The following SLCO3A1 variants were observed in gnomAD, a reference collection of about 807,000 sequenced individuals.
The protein encoded by SLCO3A1 is PGE1 transporter.
Under a neutral mutation model 63.1 loss-of-function variants are expected in SLCO3A1, and 27 were observed. That is an observed-to-expected ratio of 0.43 (90% CI 0.32 to 0.59). The LOEUF (loss-of-function observed/expected upper bound fraction) is 0.59, where lower values mean the gene tolerates loss of function less well. SLCO3A1 is among the 20% of genes least tolerant of loss of function. The pLI is 0.09. For synonymous variants in SLCO3A1, 473 were observed against 409.9 expected, an observed-to-expected ratio of 1.15 and a Z score of -1.86; for missense variants, 773 against 945.8, an observed-to-expected ratio of 0.82 and a Z score of 2.40.
chr15:92,169,049 A>G (rs1003850458), downstream of SLCO3A1, among the ~76,000 whole-genome samples: 2 of 152,224 alleles, frequency 1.3e-5, no homozygotes, highest in African/African-American at 4.8e-5. Flanking sequence ...GCCAGGTAAA[A>G]TACTTGGTAA....
intron 1 of SLCO3A1, among the ~76,000 whole-genome samples, chr15:91,902,196 ATC>A (rs1432008007): frequency 6.6e-6 from 1 of 151,678 alleles, no homozygotes; most frequent in African/African-American, 2.4e-5. Flanking sequence ...TATTTTCTGT[ATC>A]TCTTTTTTTA....
intron 4 of SLCO3A1, among the ~76,000 whole-genome samples, chr15:92,111,437 T>C (rs1021409804): frequency 6.6e-6 from 1 of 152,202 alleles, no homozygotes; most frequent in African/African-American, 2.4e-5. Flanking sequence ...TTCCTGTGTG[T>C]GGATTTCCTG....
intron 2 of SLCO3A1, among the ~76,000 whole-genome samples, chr15:92,005,801 C>T (rs1051906871): frequency 2.6e-5 from 4 of 152,114 alleles, no homozygotes; most frequent in African/African-American, 4.8e-5. Context: ...GTCACCTTCC[C>T]TTTTGTAGGG....
At position 92,123,596 on chromosome 15, in the gene SLCO3A1, G is replaced by A. The variant is rs374515018; in HGVS notation, c.1175-2465G>A. 7.5e-4 allele frequency among the ~76,000 whole-genome samples: 114 copies of A among 152,202 alleles called. 1 individual carries two copies. Among genetic ancestry groups the A allele is most frequent in the African/African-American group, 2.5e-3 (105 of 41,526 alleles). ...CTCCAAGAGGTATTGGCAAAATGCA[G>A]TCAGCCCTTTAATATCTGCCCGACA... On this transcript the variant is annotated intron_variant, in intron 5 of 9. Transcript: ENST00000318445.
At chr15:92,053,684 G>GTTT (rs1567092399) in intron 2 of SLCO3A1, among the ~76,000 whole-genome samples, 1 of 14,922 alleles carries the variant, frequency 6.7e-5, no homozygotes, top group Non-Finnish European at 2.9e-4. Flanking sequence ...TTGTTTTTTT[G>GTTT]TTTGTTTGTT....
At chr15:92,088,919 G>T (rs1348204298) in intron 2 of SLCO3A1, among the ~76,000 whole-genome samples, 8 of 152,176 alleles carry the variant, frequency 5.3e-5, no homozygotes, top group Admixed American at 5.2e-4. Flanking sequence ...AAGGGATTGG[G>T]ATGTGGAGGT....
chr15:91,973,309 C>G (rs1284270021), intron 2 of SLCO3A1, among the ~76,000 whole-genome samples: 1 of 152,200 alleles, frequency 6.6e-6, no homozygotes, highest in South Asian at 2.1e-4. Flanking sequence ...GACGGCAGCC[C>G]TCTGAGATAC....
intron 3 of SLCO3A1, among the ~76,000 whole-genome samples, chr15:92,095,272 T>A (rs2047524562): frequency 6.6e-6 from 1 of 152,238 alleles, no homozygotes; most frequent in Non-Finnish European, 1.5e-5. Context: ...GTAACAATAA[T>A]TACATCGGCC....
intron 2 of SLCO3A1, among the ~76,000 whole-genome samples, chr15:91,985,481 C>T (rs1384011156): frequency 6.6e-6 from 1 of 152,126 alleles, no homozygotes; most frequent in Admixed American, 6.5e-5. Flanking sequence ...GGGATGCGCA[C>T]CTAGGAGTGG....
At chr15:92,096,060 A>G (rs142404634) in intron 3 of SLCO3A1, among the ~76,000 whole-genome samples, 1 of 152,322 alleles carries the variant, frequency 6.6e-6, no homozygotes, top group Admixed American at 6.5e-5. Flanking sequence ...TGGGTCTGGA[A>G]TACAGGAGCA....
At chr15:92,015,210 T>C (rs28461361) in intron 2 of SLCO3A1, among the ~76,000 whole-genome samples, 3,099 of 152,166 alleles carry the variant, frequency 0.02, 106 homozygotes, top group African/African-American at 0.071. Context: ...GCCAGGAGCT[T>C]TCCGTAGGTC....
chr15:92,005,270 A>G (rs1228360786), intron 2 of SLCO3A1, among the ~76,000 whole-genome samples: 1 of 152,158 alleles, frequency 6.6e-6, no homozygotes. Flanking sequence ...GCTTATGGAA[A>G]CCATCTGCTG....
chr15:92,028,826 G>C (rs554341032), intron 2 of SLCO3A1, among the ~76,000 whole-genome samples: 108 of 151,950 alleles, frequency 7.1e-4, no homozygotes, highest in African/African-American at 2.6e-3. Context: ...AATTTTTGTA[G>C]GATCTGGAAA....
chr15:91,996,253 A>G (rs890066768), intron 2 of SLCO3A1, among the ~76,000 whole-genome samples: 5 of 152,204 alleles, frequency 3.3e-5, no homozygotes, highest in Non-Finnish European at 7.4e-5. Context: ...GCTAGTAATC[A>G]AAACCATAAG....
At chr15:91,858,134 ACAT>A (rs958033079) in intron 1 of SLCO3A1, among the ~76,000 whole-genome samples, 9 of 152,088 alleles carry the variant, frequency 5.9e-5, no homozygotes, top group African/African-American at 2.2e-4. Flanking sequence ...TTCTAAAGAA[ACAT>A]CATTTCGAAG....
intron 2 of SLCO3A1, among the ~76,000 whole-genome samples, chr15:91,944,807 C>T (rs546171681): frequency 7.2e-5 from 11 of 152,132 alleles, no homozygotes; most frequent in South Asian, 2.1e-4. Flanking sequence ...GGGAAAGGCA[C>T]GAGCAGGCTC....
intron 4 of SLCO3A1, among the ~76,000 whole-genome samples, chr15:92,119,923 A>T (rs773783360): frequency 6.6e-6 from 1 of 152,200 alleles, no homozygotes; most frequent in African/African-American, 2.4e-5. Context: ...AAGGGGTTTT[A>T]TTAGGCATGT....
At chr15:92,093,718 T>C (rs1193445071) in intron 2 of SLCO3A1, among the ~76,000 whole-genome samples, 1 of 152,086 alleles carries the variant, frequency 6.6e-6, no homozygotes, top group Non-Finnish European at 1.5e-5. Context: ...ACTTGGCACA[T>C]AGAAGGAGCT....
Position 92,162,955 on chromosome 15 carries a change from CTA to C in SLCO3A1, c.1956_1957del (p.Tyr652Ter). 1 of 1,614,148 alleles carries C rather than the reference CTA, an allele frequency of 6.2e-7. No individual in the cohort carries two copies. The highest frequency in any genetic ancestry group is 8.5e-7 in the Non-Finnish European group (1 of 1,180,022). On this transcript the variant is annotated frameshift_variant, in exon 10 of 10. Transcript: ENST00000318445. LOFTEE classifies it high-confidence loss of function. ...TTTWQCLRKN[Y>X]KRYIKNHEGG... ...CCACGTGGCAGTGCCTGAGGAAAAA[CTA>C]TAAACGCTACATCAAAAACCACGAG...
Sources: gnomAD v4.1 joint callset for allele counts (sites outside exome capture counted in the v4.1 genomes callset) on GRCh38, gnomAD v4.1.1 for gene constraint, MANE v1.5 for transcripts, NCBI Gene and HGNC (gene_info 2026-07-23, HGNC 2026-07-21) for gene names.